Variants in GABRG3 observed in about 807,000 individuals in gnomAD.
The protein encoded by GABRG3 is gamma-aminobutyric acid type A receptor subunit gamma3.
In GABRG3, 25 loss-of-function variants were observed where a neutral mutation model predicts 48.8. The ratio of observed to expected loss-of-function variants is 0.51; its 90% CI spans 0.37 to 0.72. The LOEUF is 0.72. Among genes scored for constraint, GABRG3 ranks in the 30% least tolerant of loss-of-function variants. GABRG3 has a pLI of 0.00. For synonymous variants in GABRG3, 227 were observed against 217.6 expected (o/e 1.04, Z -0.38); for missense variants, 394 against 577.9 (o/e 0.68, Z 3.26).
intron 3 of GABRG3, among the ~76,000 whole-genome samples, chr15:27,260,651 C>T (rs1024170773): frequency 1.2e-4 from 19 of 152,152 alleles, no homozygotes; most frequent in African/African-American, 4.3e-4. Context: ...GGTCCTGGAA[C>T]CCATCCACCA....
chr15:27,299,686 A>G (rs1322156206), intron 3 of GABRG3, among the ~76,000 whole-genome samples: 1 of 152,114 alleles, frequency 6.6e-6, no homozygotes, highest in Non-Finnish European at 1.5e-5. Flanking sequence ...GCCCAGAAAC[A>G]CGAAACTCTG....
At chr15:27,349,939 T>TC (rs1303611241) in intron 5 of GABRG3, among the ~76,000 whole-genome samples, 1 of 104,968 alleles carries the variant, frequency 9.5e-6, no homozygotes, top group Non-Finnish European at 1.8e-5. Flanking sequence ...TAAGGTCTTT[T>TC]TTTTTTCTTC....
Position 27,402,414 on chromosome 15 carries a change from C to A in GABRG3, c.574+73526C>A, listed in dbSNP as rs138065899. 9.2e-4 allele frequency among the ~76,000 whole-genome samples: 140 copies of A among 152,316 alleles called. 1 individual carries two copies. The highest frequency in any genetic ancestry group is 3.3e-3 in the African/African-American group (136 of 41,564). The stretch of plus-strand genomic sequence containing the variant: ...CTATGGATATCAGCATTTTAAGCAT[C>A]TGAGAGGGTTGAGAGCTAAGGACAT... On this transcript the variant is annotated intron_variant, in intron 5 of 9. Transcript: ENST00000615808.
At chr15:27,395,184 T>C (rs1281374087) in intron 5 of GABRG3, among the ~76,000 whole-genome samples, 1 of 152,180 alleles carries the variant, frequency 6.6e-6, no homozygotes, top group African/African-American at 2.4e-5. Context: ...GTAATCTCAA[T>C]TGACCTATCT....
chr15:27,442,966 G>C (rs1490108290), intron 5 of GABRG3, among the ~76,000 whole-genome samples: 1 of 152,166 alleles, frequency 6.6e-6, no homozygotes, highest in East Asian at 1.9e-4. Context: ...GCCCTTTATG[G>C]CACCAGAGCT....
At chr15:27,102,594 G>A (rs1897380441) in intron 3 of GABRG3, among the ~76,000 whole-genome samples, 1 of 152,198 alleles carries the variant, frequency 6.6e-6, no homozygotes, top group South Asian at 2.1e-4. Context: ...TTTGGTAAGT[G>A]TATGGAATCT....
In GABRG3 at chr15:27,532,964, A is replaced by C; in HGVS notation, c.*83A>C. The C allele has an allele frequency of 7.4e-7, 1 of 1,343,200 alleles. No homozygotes were observed. Among genetic ancestry groups the C allele is most frequent in the Non-Finnish European group, 1.0e-6 (1 of 977,568 alleles). The allele number at this position is 1,343,200 out of a possible 1,614,324, so 83.2% of individuals were successfully genotyped here. ...CCCAGACCAGTAGTGACCAATCGGG[A>C]GTAGCAAGGAAGGACACTGCCCAGT... is the stretch of plus-strand genomic sequence containing the variant. On this transcript the variant is annotated 3_prime_UTR_variant, in exon 10 of 10. Transcript: ENST00000615808.
intron 3 of GABRG3, among the ~76,000 whole-genome samples, chr15:27,132,222 G>A (rs1234308644): frequency 6.6e-6 from 1 of 151,974 alleles, no homozygotes; most frequent in South Asian, 2.1e-4. Context: ...CCAATGTCAT[G>A]TAGCATTTCC....
chr15:27,297,381 T>G (rs2140490463), intron 3 of GABRG3, among the ~76,000 whole-genome samples: 1 of 152,350 alleles, frequency 6.6e-6, no homozygotes, highest in African/African-American at 2.4e-5. Context: ...ATTCATTCAC[T>G]GACTCACCCA....
chr15:27,328,021 G>T (rs999290843), intron 4 of GABRG3, among the ~76,000 whole-genome samples: 3 of 151,956 alleles, frequency 2.0e-5, no homozygotes, highest in Admixed American at 2.0e-4. Flanking sequence ...AGGCGCAGAT[G>T]GACATTAAAA....
chr15:27,326,930 C>T lies in GABRG3; in HGVS notation c.392C>T (p.Thr131Ile). Residue 131 changes from threonine (T) to isoleucine (I), a missense_variant, in exon 4 of 10, where the codon ACC (threonine) becomes ATC (isoleucine). By Grantham distance (89) the Thr-to-Ile change is moderately conservative. This residue lies in a region of GABRG3 where 218 missense variants were observed against 309.9 expected (regional missense o/e 0.70). Coordinates refer to ENST00000615808, the MANE Select transcript of GABRG3 (RefSeq NM_033223.5). Reference sequence around the variant, plus strand: ...GTGGGGTTAATCTGGATCCCAGACACCATCTTCCGCAATTCTAAAACCGCA... The same window carrying T: ...GTGGGGTTAATCTGGATCCCAGACATCATCTTCCGCAATTCTAAAACCGCA... ...NMVGLIWIPD[T>I]IFRNSKTAEA... The T allele has an allele frequency of 6.2e-7, 1 of 1,613,992 alleles. No homozygotes were observed. Among genetic ancestry groups the T allele is most frequent in the Non-Finnish European group, 8.5e-7 (1 of 1,179,890 alleles).
In GABRG3 at chr15:27,379,944, C is replaced by T. The variant is rs111809249; in HGVS notation, c.574+51056C>T. Among the ~76,000 whole-genome samples, 602 of 151,672 alleles carry T rather than the reference C, an allele frequency of 4.0e-3. 5 individuals carry two copies. The highest frequency in any genetic ancestry group is 0.014 in the African/African-American group (570 of 41,406). ...TGTCTGTCATTAATTTTGGAAAATT[C>T]TCAGTTATTATAGTTTTAAATATTT... On this transcript the variant is annotated intron_variant, in intron 5 of 9. Transcript: ENST00000615808.
intron 6 of GABRG3, among the ~76,000 whole-genome samples, chr15:27,505,052 A>G (rs1417240785): frequency 1.3e-5 from 2 of 151,924 alleles, no homozygotes; most frequent in East Asian, 1.9e-4. Context: ...CCACTAACGT[A>G]TTTTTTCTGT....
At chr15:27,428,658 A>G (rs889083310) in intron 5 of GABRG3, among the ~76,000 whole-genome samples, 2 of 152,228 alleles carry the variant, frequency 1.3e-5, no homozygotes, top group African/African-American at 4.8e-5. Context: ...GTTTAACCTG[A>G]TATTTTCTAA....
At chr15:26,994,306 G>A (rs1895300796) in intron 2 of GABRG3, among the ~76,000 whole-genome samples, 1 of 151,658 alleles carries the variant, frequency 6.6e-6, no homozygotes, top group Admixed American at 6.6e-5. Flanking sequence ...TTTAGTGAGT[G>A]TGGTTTTCTC....
chr15:27,263,747 GT>G (rs919194760), intron 3 of GABRG3, among the ~76,000 whole-genome samples: 12 of 152,122 alleles, frequency 7.9e-5, no homozygotes, highest in East Asian at 5.8e-4. Flanking sequence ...ATGGTCCCAT[GT>G]TTAGACAACC....
intron 3 of GABRG3, among the ~76,000 whole-genome samples, chr15:27,032,759 G>A (rs1896106968): frequency 6.6e-6 from 1 of 152,174 alleles, no homozygotes; most frequent in Non-Finnish European, 1.5e-5. Flanking sequence ...GAGATTTGGA[G>A]GGGATGAAAC....
chr15:27,194,129 A>G (rs748214639), intron 3 of GABRG3, among the ~76,000 whole-genome samples: 9 of 152,222 alleles, frequency 5.9e-5, no homozygotes, highest in Non-Finnish European at 1.0e-4. Flanking sequence ...TTAAATTATA[A>G]CAGTCTCAAT....
At chr15:27,197,382 A>T (rs1888527681) in intron 3 of GABRG3, among the ~76,000 whole-genome samples, 1 of 152,140 alleles carries the variant, frequency 6.6e-6, no homozygotes, top group South Asian at 2.1e-4. Context: ...GAGCAAGAAG[A>T]AGTTTATGTT....
Sources: allele counts gnomAD v4.1 joint callset (sites outside exome capture counted in the v4.1 genomes callset), GRCh38; gene constraint gnomAD v4.1.1; regional missense constraint gnomAD v4.1.1; transcripts MANE v1.5; gene names NCBI Gene and HGNC (gene_info 2026-07-23, HGNC 2026-07-21).